Variants in MMS19 observed in about 807,000 individuals in gnomAD.
MMS19 encodes MMS19 cytosolic iron-sulfur assembly component.
A neutral mutation model predicts 129.8 loss-of-function variants in MMS19; 77 were observed. The observed-to-expected ratio is 0.59, with a 90% CI of 0.49 to 0.72. The LOEUF (loss-of-function observed/expected upper bound fraction) is 0.72, where lower values mean the gene tolerates loss of function less well. Among genes scored for constraint, MMS19 ranks in the 30% least tolerant of loss-of-function variants. The pLI is 0.00. For synonymous variants in MMS19, 491 were observed against 502.8 expected, an observed-to-expected ratio of 0.98 and a Z score of 0.31; for missense variants, 1,168 against 1,266.3, an observed-to-expected ratio of 0.92 and a Z score of 1.18.
At chr10:97,490,884 G>C (rs373525006) in intron 1 of MMS19, among the ~76,000 whole-genome samples, 1 of 152,300 alleles carries the variant, frequency 6.6e-6, no homozygotes. Context: ...CAGCTCCTGA[G>C]AAAGAGCCAA....
Position 97,461,554 on chromosome 10 carries a change from G to C in MMS19, c.2253C>G (p.Pro751=), listed in dbSNP as rs754085170. 12 of 1,604,218 alleles carry C rather than the reference G, an allele frequency of 7.5e-6. No homozygotes were observed. The highest frequency in any genetic ancestry group is 9.4e-6 in the Non-Finnish European group (11 of 1,175,402). Residue 751 remains proline, a synonymous_variant, in exon 23 of 31, where the codon CCC becomes CCG. Transcript: ENST00000438925. ...ACTTGGCAGCAGCGGTGGAAGAAAAGGGGCAGCTGTGGCAGCAGCTCAGTT... is the reference window on the plus strand; with the variant it reads ...ACTTGGCAGCAGCGGTGGAAGAAAACGGGCAGCTGTGGCAGCAGCTCAGTT... The part of the protein sequence containing the change: ...LLELSCCHSC[P]FSSTAAAKCF...
At chr10:97,466,990 A>G in intron 14 of MMS19, 89 bp from the exon 15 acceptor site, 1 of 1,393,304 alleles carries the variant, frequency 7.2e-7, no homozygotes, top group Non-Finnish European at 9.7e-7. Flanking sequence ...CCTGGGGTAG[A>G]TTTTTTTTTT....
In MMS19 at chr10:97,468,346, A is replaced by C. The variant is rs772398604; in HGVS notation, c.1124T>G (p.Leu375Trp). Residue 375 changes from leucine to tryptophan, a missense_variant, in exon 13 of 31, where the codon TTG becomes TGG. Transcript: ENST00000438925. ...MKLVWPSAKL[L>W]QAAAGASARA... is the part of the protein sequence containing the mutation. The stretch of plus-strand genomic sequence containing the variant: ...GGCAGATGCACCTGCAGCTGCCTGC[A>C]ACAGCTTGGCACTAGGCCACACCAG... 189 of 1,612,926 alleles carry C rather than the reference A, an allele frequency of 1.2e-4. No homozygotes were observed. The highest frequency in any genetic ancestry group is 3.3e-5 in the South Asian group (3 of 90,930).
intron 1 of MMS19, among the ~76,000 whole-genome samples, chr10:97,498,067 G>A (rs961050656): frequency 3.9e-5 from 6 of 152,256 alleles, no homozygotes; most frequent in African/African-American, 1.2e-4. Flanking sequence ...TTGGCTACAG[G>A]GAGATGAGAA....
Position 97,478,791 on chromosome 10 carries a change from A to G in MMS19, c.263-402T>C, listed in dbSNP as rs572758382. On this transcript the variant is annotated intron_variant, in intron 3 of 30. Transcript: ENST00000438925. ...AACAGGGAAATAAATGAGTGTAGCT[A>G]TGTTCCAATAAAAGTTTATAAAAAC... 4.6e-5 allele frequency among the ~76,000 whole-genome samples: 7 copies of G among 152,324 alleles called. 1 individual carries two copies. The South Asian group carries it at 1.5e-3, about 32-fold the overall frequency.
In MMS19 at chr10:97,476,759, A is replaced by T; in HGVS notation, c.623-15T>A. ...CACAAAGGGTCCTGTGGCAACAGAGAAAAAATGAGGTTGGTTTATCAGCTT... is the reference window on the plus strand; with the variant it reads ...CACAAAGGGTCCTGTGGCAACAGAGTAAAAATGAGGTTGGTTTATCAGCTT... On this transcript the variant is annotated splice_polypyrimidine_tract_variant and intron_variant, in intron 7 of 30. Coordinates refer to ENST00000438925, the MANE Select transcript of MMS19 (RefSeq NM_022362.5). 1 of 1,613,822 alleles carries T rather than the reference A, an allele frequency of 6.2e-7. No homozygotes were observed. The highest frequency in any genetic ancestry group is 2.2e-5 in the East Asian group (1 of 44,896).
chr10:97,468,112 AGG>A (rs1446414082), intron 13 of MMS19, 138 bp downstream of exon 13: 1 of 669,004 alleles, frequency 1.5e-6, no homozygotes, highest in Admixed American at 3.2e-5. Flanking sequence ...AAAGTGAGTA[AGG>A]GAAGCAGCAG....
At chr10:97,461,043 A>G in intron 23 of MMS19, 36 bp from the exon 24 acceptor site, 1 of 1,481,138 alleles carries the variant, frequency 6.8e-7, no homozygotes. Flanking sequence ...CATAAAGGCT[A>G]CACATTTTCC....
At chr10:97,467,331 G>C (rs1251408913) in intron 14 of MMS19, among the ~76,000 whole-genome samples, 174 bp downstream of exon 14, 1 of 152,188 alleles carries the variant, frequency 6.6e-6, no homozygotes, top group Non-Finnish European at 1.5e-5. Context: ...AAAGCACACT[G>C]AGAAAAATAA....
At chr10:97,473,686 T>C (rs2035200029) in intron 8 of MMS19, among the ~76,000 whole-genome samples, 1 of 152,080 alleles carries the variant, frequency 6.6e-6, no homozygotes, top group South Asian at 2.1e-4. Flanking sequence ...AAGAATATCT[T>C]GTGACAAGTG....
At chr10:97,487,018 G>T (rs1336661914) in intron 1 of MMS19, among the ~76,000 whole-genome samples, 1 of 150,226 alleles carries the variant, frequency 6.7e-6, no homozygotes, top group Non-Finnish European at 1.5e-5. Flanking sequence ...ACAAAAAAAA[G>T]AAAAATAAAA....
chr10:97,469,528 ACC>A, intron 11 of MMS19, 116 bp downstream of exon 11: 1 of 779,458 alleles, frequency 1.3e-6, no homozygotes. Flanking sequence ...CTCCTGAATA[ACC>A]AGGCATTATA....
chr10:97,474,958 A>G (rs2035466785), intron 8 of MMS19, among the ~76,000 whole-genome samples: 1 of 152,222 alleles, frequency 6.6e-6, no homozygotes, highest in African/African-American at 2.4e-5. Flanking sequence ...CAAATTATAA[A>G]TGCACATATT....
chr10:97,477,372 G>T lies in MMS19; in HGVS notation c.468C>A (p.Thr156=). 6.2e-7 allele frequency: 1 copy of T among 1,613,966 alleles called. No individual in the cohort carries two copies. Residue 156 remains threonine (T), a synonymous_variant, in exon 6 of 31, where the codon ACC becomes ACA. Coordinates refer to ENST00000438925, the MANE Select transcript of MMS19 (RefSeq NM_022362.5). The part of the protein sequence containing the change: ...VDRHTVYNII[T]NFMRTREEEL... The stretch of plus-strand genomic sequence containing the variant: ...CTTCTTCCCGGGTTCGCATAAAATT[G>T]GTGATGATATTGTAGACTGTGTGTC...
intron 18 of MMS19, among the ~76,000 whole-genome samples, chr10:97,464,432 C>G (rs1022578482): frequency 1.3e-5 from 2 of 152,194 alleles, no homozygotes; most frequent in Middle Eastern, 3.2e-3. Context: ...CTGGATCAAC[C>G]ACAGTGGGCC....
At chr10:97,481,894 C>G (rs1336219742) in intron 2 of MMS19, among the ~76,000 whole-genome samples, 1 of 152,168 alleles carries the variant, frequency 6.6e-6, no homozygotes, top group African/African-American at 2.4e-5. Context: ...ACTGTGCATT[C>G]AGGTTGGGTG....
chr10:97,486,214 C>G (rs2037820800), intron 1 of MMS19, among the ~76,000 whole-genome samples: 1 of 152,190 alleles, frequency 6.6e-6, no homozygotes, highest in Non-Finnish European at 1.5e-5. Flanking sequence ...GACAGGGTCT[C>G]TCTGTCACCC....
At chr10:97,484,491 T>C (rs890123604) in intron 1 of MMS19, among the ~76,000 whole-genome samples, 17 of 152,144 alleles carry the variant, frequency 1.1e-4, no homozygotes, top group Non-Finnish European at 1.8e-4. Context: ...TATATACATA[T>C]ACACAATAGC....
rs769834133 is a variant in MMS19 at position 97,469,033 on chromosome 10, C to G, written c.996G>C (p.Leu332Phe). 1.2e-5 allele frequency: 19 copies of G among 1,586,338 alleles called. No homozygotes were observed. The East Asian group carries it at 4.1e-4, about 35-fold the overall frequency. ...CATCAGCCCTCAGCACAGAGCGAGA[C>G]AAACACGCAGTCAGGGAGTGGAGGG... ...LAALHSLTAC[L>F]SRSVLRADAE... The change falls in exon 12 of 31, where the codon TTG becomes TTC. Residue 332 changes from leucine (L) to phenylalanine (F), a missense_variant. This residue lies in a region of MMS19 where 831 missense variants were observed against 910.8 expected (regional missense o/e 0.91). Transcript: ENST00000438925.
Sources: gnomAD v4.1 joint callset for allele counts (sites outside exome capture counted in the v4.1 genomes callset) on GRCh38, gnomAD v4.1.1 for gene constraint, gnomAD v4.1.1 regional missense constraint, MANE v1.5 for transcripts, NCBI Gene and HGNC (gene_info 2026-07-23, HGNC 2026-07-21) for gene names.